Variants in ZKSCAN7 observed in about 807,000 individuals in gnomAD.
The protein encoded by ZKSCAN7 is zinc finger with KRAB and SCAN domains 7, also known as zinc finger protein with KRAB and SCAN domains 7.
ZKSCAN7 carries 38 observed loss-of-function variants against 65.3 expected under a neutral mutation model. The observed-to-expected ratio is 0.58, with a 90% CI of 0.45 to 0.76. The LOEUF is 0.76. Among genes scored for constraint, ZKSCAN7 ranks in the 30% least tolerant of loss-of-function variants. The pLI, the probability that ZKSCAN7 is intolerant of heterozygous loss-of-function variation, is 0.00. For missense variants in ZKSCAN7, 815 were observed against 913.3 expected (o/e 0.89, Z 1.39); for synonymous variants, 321 against 321.0 (o/e 1.00, Z 0.00).
downstream of ZKSCAN7, chr3:44,572,264 T>C: frequency 4.1e-6 from 4 of 976,080 alleles, no homozygotes; most frequent in Non-Finnish European, 4.9e-6. Flanking sequence ...GAATATCACA[T>C]ACAGAGGTCT....
rs1014739255 is a variant in ZKSCAN7, at chr3:44,570,665, G to A, written c.1555G>A (p.Gly519Ser). ...SLARHQVLHT[G>S]KKPYKCNECG... is the part of the protein sequence containing the mutation. Reference sequence around the variant, plus strand: ...TGCTCGACATCAGGTCCTGCACACTGGTAAGAAACCTTACAAATGCAATGA... The same window carrying A: ...TGCTCGACATCAGGTCCTGCACACTAGTAAGAAACCTTACAAATGCAATGA... Residue 519 changes from glycine (G) to serine (S), a missense_variant, in exon 6 of 6, where the codon GGT becomes AGT. By Grantham distance (56) the Gly-to-Ser change is moderately conservative. Around this residue, in one of 3 missense-constraint regions of ZKSCAN7, gnomAD observed 578 missense variants for 629.5 expected, o/e 0.92. Coordinates refer to ENST00000426540, the MANE Select transcript of ZKSCAN7 (RefSeq NM_001288590.2). 3 of 1,614,044 alleles carry A rather than the reference G, an allele frequency of 1.9e-6. No individual in the cohort carries two copies. Among genetic ancestry groups the A allele is most frequent in the Non-Finnish European group, 2.5e-6 (3 of 1,179,980 alleles).
In ZKSCAN7 at chr3:44,569,923, A is replaced by G. The variant is rs746583481; in HGVS notation, c.813A>G (p.Ala271=). ...TTGTTGTCTTCTTTCTTTGGGCAGC[A>G]GGTGAGAACATGATGAAGGGTTCAG... is the stretch of plus-strand genomic sequence containing the variant. ...PENHHSMASL[A]GENMMKGSEL... Residue 271 remains alanine, a splice_region_variant and synonymous_variant, in exon 6 of 6, where the codon GCA becomes GCG. Transcript: ENST00000426540. 2.0e-6 allele frequency: 3 copies of G among 1,519,882 alleles called. No individual in the cohort carries two copies. Among genetic ancestry groups the G allele is most frequent in the East Asian group, 4.6e-5 (2 of 43,924 alleles). 94.1% of individuals were successfully genotyped at this position (1,519,882 alleles called of 1,614,324 possible). A position where few individuals can be genotyped will look rare whatever the true frequency, so the allele number is the denominator to read the frequency against.
chr3:44,581,716 G>A (rs745546932), intron 5 of ZKSCAN7, among the ~76,000 whole-genome samples: 1 of 152,210 alleles, frequency 6.6e-6, no homozygotes, highest in Non-Finnish European at 1.5e-5. Context: ...GTGGTGGTCA[G>A]ACCCAGTGAA....
At chr3:44,559,924 G>A (rs1277653861) in intron 2 of ZKSCAN7, among the ~76,000 whole-genome samples, 1 of 152,366 alleles carries the variant, frequency 6.6e-6, no homozygotes, top group East Asian at 1.9e-4. Context: ...AGCTGGGCCA[G>A]CCATGGCAAT....
intron 5 of ZKSCAN7, chr3:44,578,127 G>T: frequency 6.5e-7 from 1 of 1,537,342 alleles, no homozygotes; most frequent in Non-Finnish European, 9.0e-7. Context: ...CAGTGCTTCC[G>T]TTGCAGCCTT....
chr3:44,575,865 A>C (rs1434696142), downstream of ZKSCAN7, among the ~76,000 whole-genome samples: 1 of 152,248 alleles, frequency 6.6e-6, no homozygotes, highest in Non-Finnish European at 1.5e-5. Context: ...GGCATGAGCC[A>C]CTGCGCCTGG....
In ZKSCAN7 at chr3:44,570,831, C is replaced by T. The variant is rs1480906461; in HGVS notation, c.1721C>T (p.Thr574Ile). 1.2e-6 allele frequency: 2 copies of T among 1,614,196 alleles called. No homozygotes were observed. The highest frequency in any genetic ancestry group is 3.3e-5 in the Admixed American group (2 of 60,032). Residue 574 changes from threonine (T) to isoleucine (I), a missense_variant, in exon 6 of 6, where the codon ACT becomes ATT. This residue lies in a region of ZKSCAN7 where 578 missense variants were observed against 629.5 expected (regional missense o/e 0.92). Coordinates refer to ENST00000426540, the MANE Select transcript of ZKSCAN7 (RefSeq NM_001288590.2). ...CTTATTCGACATCAGAGCCTCCATA[C>T]TGGGGAAAAGCCATACAAATGTAGT... is the stretch of plus-strand genomic sequence containing the variant. ...KCLIRHQSLH[T>I]GEKPYKCSEC...
rs752082899 is a variant in ZKSCAN7, at chr3:44,571,267, T to C, written c.2157T>C (p.Tyr719=). The change falls in exon 6 of 6, where the codon TAT becomes TAC. Residue 719 remains tyrosine (Y), a synonymous_variant. Transcript: ENST00000426540. The part of the protein sequence containing the change: ...HQRVHTGEKP[Y]ECSECGKAFS... ...GAGTCCACACCGGAGAGAAACCTTA[T>C]GAATGTAGTGAATGTGGGAAAGCCT... 2 of 1,613,972 alleles carry C rather than the reference T, an allele frequency of 1.2e-6. No individual in the cohort carries two copies. The highest frequency in any genetic ancestry group is 1.7e-6 in the Non-Finnish European group (2 of 1,180,004).
chr3:44,568,324 G>A lies in ZKSCAN7; in HGVS notation c.702G>A (p.Glu234=), dbSNP rs771486931. ...MVRPQDTVAY[E]DLSVDYTQKK... is the part of the protein sequence containing the mutation. ...CATTCCAGGATACTGTGGCATATGA[G>A]GACCTATCTGTAGACTACACTCAGA... is the stretch of plus-strand genomic sequence containing the variant. The change falls in exon 5 of 6, where the codon GAG becomes GAA. Residue 234 remains glutamate, a synonymous_variant. Coordinates refer to ENST00000426540, the MANE Select transcript of ZKSCAN7 (RefSeq NM_001288590.2). 10 of 1,613,420 alleles carry A rather than the reference G, an allele frequency of 6.2e-6. No homozygotes were observed. The highest frequency in any genetic ancestry group is 8.5e-7 in the Non-Finnish European group (1 of 1,179,764).
At chr3:44,582,298 T>C (rs1324396237) in intron 5 of ZKSCAN7, among the ~76,000 whole-genome samples, 1 of 152,214 alleles carries the variant, frequency 6.6e-6, no homozygotes, top group East Asian at 1.9e-4. Context: ...TTTTAAGGCA[T>C]GTGAGTGCTT....
At chr3:44,580,409 C>T (rs1473207462) in intron 5 of ZKSCAN7, 1 of 1,601,002 alleles carries the variant, frequency 6.2e-7, no homozygotes, top group African/African-American at 1.3e-5. Context: ...GGTCCTTGGT[C>T]CTCATTTCTT....
chr3:44,557,785 T>A (rs1444240173), intron 2 of ZKSCAN7, among the ~76,000 whole-genome samples: 1 of 152,134 alleles, frequency 6.6e-6, no homozygotes, highest in East Asian at 1.9e-4. Flanking sequence ...AAGGCGGGCC[T>A]TTGGGTATGC....
Position 44,571,056 on chromosome 3 carries a change from A to T in ZKSCAN7, c.1946A>T (p.His649Leu), listed in dbSNP as rs777496747. 1 of 1,614,150 alleles carries T rather than the reference A, an allele frequency of 6.2e-7. No homozygotes were observed. The highest frequency in any genetic ancestry group is 1.1e-5 in the South Asian group (1 of 91,084). ...ECGKSFNQNS[H>L]LIIHQRIHTG... ...GGAAAATCCTTCAATCAAAACTCAC[A>T]CCTTATTATACACCAGAGAATTCAC... The change falls in exon 6 of 6, where the codon CAC (histidine) becomes CTC (leucine). Residue 649 changes from histidine (H) to leucine (L), a missense_variant. This residue lies in a region of ZKSCAN7 where 578 missense variants were observed against 629.5 expected (regional missense o/e 0.92). Coordinates refer to ENST00000426540, the MANE Select transcript of ZKSCAN7 (RefSeq NM_001288590.2).
At chr3:44,568,145 A>G in intron 4 of ZKSCAN7, 142 bp downstream of exon 4, 1 of 1,538,102 alleles carries the variant, frequency 6.5e-7, no homozygotes, top group Non-Finnish European at 8.8e-7. Context: ...GAGGTAATGG[A>G]CTCTATCTTG....
Position 44,571,594 on chromosome 3 carries a change from C to CA in ZKSCAN7, c.*219_*220insA. ...CACATGTCATTGAATTGTAGGTTTCCTTTTTTTTTCTTTACTTTTAAATTT... is the reference window on the plus strand; with the variant it reads ...CACATGTCATTGAATTGTAGGTTTCCATTTTTTTTTCTTTACTTTTAAATTT... On this transcript the variant is annotated 3_prime_UTR_variant, in exon 6 of 6. Coordinates refer to ENST00000426540, the MANE Select transcript of ZKSCAN7 (RefSeq NM_001288590.2). 7.5e-7 allele frequency: 1 copy of CA among 1,329,274 alleles called. No individual in the cohort carries two copies. Among genetic ancestry groups the CA allele is most frequent in the Admixed American group, 3.6e-5 (1 of 27,862 alleles). The allele number at this position is 1,329,274 out of a possible 1,614,324, so 82.3% of individuals were successfully genotyped here.
intron 5 of ZKSCAN7, among the ~76,000 whole-genome samples, chr3:44,577,359 G>A (rs1296094141): frequency 1.3e-5 from 2 of 152,002 alleles, no homozygotes; most frequent in Non-Finnish European, 2.9e-5. Flanking sequence ...CGATTCTCAG[G>A]GGTGTGGTTC....
intron 5 of ZKSCAN7, among the ~76,000 whole-genome samples, chr3:44,568,910 A>G (rs758458744): frequency 9.2e-5 from 14 of 152,204 alleles, no homozygotes; most frequent in Middle Eastern, 3.4e-3. Flanking sequence ...CATTTTCTTC[A>G]CTGTGAATCT....
At chr3:44,572,301 G>A, downstream of ZKSCAN7, 1 of 918,848 alleles carries the variant, frequency 1.1e-6, no homozygotes. Flanking sequence ...ATATACTCCT[G>A]GAAGTCTTAC....
In ZKSCAN7 at chr3:44,557,208, G is replaced by A. The variant is rs201622804; in HGVS notation, c.161G>A (p.Arg54Gln). 11 of 1,614,236 alleles carry A rather than the reference G, an allele frequency of 6.8e-6. No individual in the cohort carries two copies. Among genetic ancestry groups the A allele is most frequent in the South Asian group, 5.5e-5 (5 of 91,084 alleles). ...TATCCTCCTGTCTGCGAAATCTTCCGGCTACACTTCAGGCAATTGTGTTAC... is the reference window on the plus strand; with the variant it reads ...TATCCTCCTGTCTGCGAAATCTTCCAGCTACACTTCAGGCAATTGTGTTAC... ...KNYPPVCEIF[R>Q]LHFRQLCYHE... The change falls in exon 2 of 6, where the codon CGG (arginine) becomes CAG (glutamine). Residue 54 changes from arginine to glutamine, a missense_variant. By Grantham distance (43) the Arg-to-Gln change is conservative. Coordinates refer to ENST00000426540, the MANE Select transcript of ZKSCAN7 (RefSeq NM_001288590.2).
Sources: gnomAD v4.1 joint callset for allele counts (sites outside exome capture counted in the v4.1 genomes callset) on GRCh38, gnomAD v4.1.1 for gene constraint, gnomAD v4.1.1 regional missense constraint, MANE v1.5 for transcripts, NCBI Gene and HGNC (gene_info 2026-07-23, HGNC 2026-07-21) for gene names.